Variants in PSMA7 observed in about 807,000 individuals in gnomAD.
PSMA7 encodes proteasome subunit alpha type-7.
PSMA7 carries 5 observed loss-of-function variants against 31.3 expected under a neutral mutation model. The observed-to-expected ratio is 0.16, with a 90% CI of 0.08 to 0.34. The LOEUF (loss-of-function observed/expected upper bound fraction) is 0.34. PSMA7 is among the 10% of genes least tolerant of loss of function. The pLI is 1.00. For missense variants in PSMA7, 217 were observed against 327.5 expected (o/e 0.66, Z 2.60); for synonymous variants, 155 against 121.9 (o/e 1.27, Z -1.79).
chr20:62,138,809 C>T lies in PSMA7; in HGVS notation c.471+266G>A, dbSNP rs576744358. Reference sequence around the variant, plus strand: ...CTGACCTCAGGTGATCCAACTGCCTCGGCCTCCCAAAGTGCTGGGATTACA... The same window carrying T: ...CTGACCTCAGGTGATCCAACTGCCTTGGCCTCCCAAAGTGCTGGGATTACA... On this transcript the variant is annotated intron_variant, in intron 4 of 6. Transcript: ENST00000370873. 1.8e-4 allele frequency among the ~76,000 whole-genome samples: 28 copies of T among 152,138 alleles called. 1 individual carries two copies. Among genetic ancestry groups the T allele is most frequent in the Admixed American group, 3.3e-4 (5 of 15,280 alleles).
intron 4 of PSMA7, 35 bp from the exon 5 acceptor site, chr20:62,138,325 G>A (rs775421692): frequency 1.9e-6 from 3 of 1,562,364 alleles, no homozygotes; most frequent in Admixed American, 3.6e-5. Context: ...CGTGGCATAG[G>A]GCATGACAAC....
rs751930422 is a variant in PSMA7 at position 62,140,849 on chromosome 20, A to C, written c.192T>G (p.Ala64=). The C allele has an allele frequency of 1.2e-6, 2 of 1,614,226 alleles. No homozygotes were observed. The highest frequency in any genetic ancestry group is 2.2e-5 in the South Asian group (2 of 91,086). The change falls in exon 2 of 7, where the codon GCT becomes GCG. Residue 64 remains alanine (A), a synonymous_variant. Transcript: ENST00000370873. ...QDERTVRKIC[A]LDDNVCMAFA... ...AGGCCATGCAGACGTTGTCATCCAA[A>C]GCACAGATCTTCCGCACTGTTCTTT...
intron 1 of PSMA7, 154 bp downstream of exon 1, chr20:62,143,054 G>C (rs2056948217): frequency 4.5e-6 from 1 of 221,904 alleles, no homozygotes; most frequent in Non-Finnish European, 7.5e-6. Flanking sequence ...CCGGCAGCGG[G>C]GCCCGCGCTC....
Position 62,139,827 on chromosome 20 carries a change from G to C in PSMA7, c.302C>G (p.Pro101Arg). 6.2e-7 allele frequency: 1 copy of C among 1,614,048 alleles called. No homozygotes were observed. Among genetic ancestry groups the C allele is most frequent in the Non-Finnish European group, 8.5e-7 (1 of 1,180,026 alleles). Residue 101 changes from proline (P) to arginine (R), a missense_variant, in exon 3 of 7, where the codon CCG (proline) becomes CGG (arginine). Coordinates refer to ENST00000370873, the MANE Select transcript of PSMA7 (RefSeq NM_002792.4). ...GCGGGTGATGTACTCCACAGTGACC[G>C]GGTCCTCCACAGTCAGCCGGTGGCT... ...CQSHRLTVEDPVTVEYITRYI... is the reference protein window; with the variant it reads ...CQSHRLTVEDRVTVEYITRYI...
intron 2 of PSMA7, among the ~76,000 whole-genome samples, 184 bp from the exon 3 acceptor site, chr20:62,140,089 T>G (rs892735903): frequency 1.3e-5 from 2 of 152,172 alleles, no homozygotes; most frequent in East Asian, 1.9e-4. Context: ...TACAGATGCT[T>G]CTTGATGTGC....
In PSMA7 at chr20:62,136,780, A is replaced by C; in HGVS notation, c.*77T>G. On this transcript the variant is annotated 3_prime_UTR_variant, in exon 7 of 7. Transcript: ENST00000370873. ...TAGGACACTCAGTGTGAATAAATGG[A>C]ATGGAAAGGCCTACACATCGAGACT... 3 of 1,518,210 alleles carry C rather than the reference A, an allele frequency of 2.0e-6. No individual in the cohort carries two copies. The highest frequency in any genetic ancestry group is 2.6e-6 in the Non-Finnish European group (3 of 1,137,966). The allele number at this position is 1,518,210 out of a possible 1,614,324, so 94.0% of individuals were successfully genotyped here.
At chr20:62,139,633 A>T in intron 3 of PSMA7, 148 bp downstream of exon 3, 1 of 1,339,088 alleles carries the variant, frequency 7.5e-7, no homozygotes, top group Non-Finnish European at 1.1e-6. Flanking sequence ...AGCTAGGTCA[A>T]GTTACACTTG....
chr20:62,141,181 C>T (rs961519695), intron 1 of PSMA7, among the ~76,000 whole-genome samples: 7 of 152,152 alleles, frequency 4.6e-5, no homozygotes, highest in African/African-American at 1.7e-4. Flanking sequence ...GTGGGAGGAT[C>T]GCTAGAGCCT....
At chr20:62,138,799 C>T (rs928770342) in intron 4 of PSMA7, among the ~76,000 whole-genome samples, 12 of 152,132 alleles carry the variant, frequency 7.9e-5, no homozygotes, top group Non-Finnish European at 8.8e-5. Flanking sequence ...CTCAGGTGAT[C>T]CAACTGCCTC....
chr20:62,139,846 G>A lies in PSMA7; in HGVS notation c.283C>T (p.Arg95Trp), dbSNP rs779149773. The A allele has an allele frequency of 2.5e-6, 4 of 1,614,086 alleles. No individual in the cohort carries two copies. The highest frequency in any genetic ancestry group is 1.1e-5 in the South Asian group (1 of 91,088). The change falls in exon 3 of 7, where the codon CGG becomes TGG. Residue 95 changes from arginine to tryptophan, a missense_variant. Physicochemically the swap from Arg to Trp is moderately radical, Grantham distance 101. Transcript: ENST00000370873. The part of the protein sequence containing the change: ...NRARVECQSH[R>W]LTVEDPVTVE... ...GTGACCGGGTCCTCCACAGTCAGCC[G>A]GTGGCTCTGGCACTCCACCCGGGCC...
Position 62,140,724 on chromosome 20 carries a change from G to A in PSMA7, c.223+94C>T, listed in dbSNP as rs573909493. ...GATTTTCATTTACTCAGTTTATATG[G>A]CTCACAATAGCCCACACACCCAAGT... On this transcript the variant is annotated intron_variant, in intron 2 of 6. Transcript: ENST00000370873. 147 of 1,444,412 alleles carry A rather than the reference G, an allele frequency of 1.0e-4. 3 individuals are homozygous for A. The South Asian group carries it at 1.8e-3, about 18-fold the overall frequency. The allele number at this position is 1,444,412 out of a possible 1,614,324, so 89.5% of individuals were successfully genotyped here.
At chr20:62,138,550 ATTTTTTT>A (rs59188263) in intron 4 of PSMA7, among the ~76,000 whole-genome samples, 5 of 126,374 alleles carry the variant, frequency 4.0e-5, no homozygotes. Context: ...GCAATGGGAG[ATTTTTTT>A]TTTTTTTTTT....
rs563926611 is a variant in PSMA7 at position 62,139,587 on chromosome 20, G to A, written c.348+194C>T. The A allele has an allele frequency of 1.2e-4, 110 of 901,670 alleles. 2 individuals are homozygous for A. In the Middle Eastern group the frequency reaches 1.8e-3, roughly 14 times the overall value. 55.9% of individuals were successfully genotyped at this position (901,670 alleles called of 1,614,324 possible). A position where few individuals can be genotyped will look rare whatever the true frequency, so the allele number is the denominator to read the frequency against. On this transcript the variant is annotated intron_variant, in intron 3 of 6. Coordinates refer to ENST00000370873, the MANE Select transcript of PSMA7 (RefSeq NM_002792.4). ...CAGGAATTTGGAATATCCCATGCCA[G>A]GAACTGAGAACAGAACAATGTTACT...
At position 62,137,138 on chromosome 20, in the gene PSMA7, G is replaced by T. The variant is rs536132969; in HGVS notation, c.655-189C>A. ...TTAAGCAGCAGTAGCAGCAGCAGCA[G>T]ATCTGACTGGCAGCCGCTCAGCATG... On this transcript the variant is annotated intron_variant, in intron 6 of 6. Coordinates refer to ENST00000370873, the MANE Select transcript of PSMA7 (RefSeq NM_002792.4). Among the ~76,000 whole-genome samples, 3 of 152,224 alleles carry T rather than the reference G, an allele frequency of 2.0e-5. No individual in the cohort carries two copies. In the East Asian group the frequency reaches 5.8e-4, roughly 29 times the overall value.
At position 62,143,290 on chromosome 20, in the gene PSMA7, C is replaced by T; in HGVS notation, c.14G>A (p.Arg5His). The change falls in exon 1 of 7, where the codon CGC becomes CAC. Residue 5 changes from arginine to histidine, a missense_variant. Physicochemically the swap from Arg to His is conservative, Grantham distance 29. Around this residue, in one of 3 missense-constraint regions of PSMA7, gnomAD observed 76 missense variants for 96.5 expected, o/e 0.79. Transcript: ENST00000370873. ...GTCGGGCGAGAAGACGGTGATGGCGCGGTCGTAGCTCATGCCGGCGGGCGG... is the reference window on the plus strand; with the variant it reads ...GTCGGGCGAGAAGACGGTGATGGCGTGGTCGTAGCTCATGCCGGCGGGCGG... MSYDRAITVFSPDGH... is the reference protein window; with the variant it reads MSYDHAITVFSPDGH... 6.8e-7 allele frequency: 1 copy of T among 1,468,180 alleles called. No individual in the cohort carries two copies. The highest frequency in any genetic ancestry group is 9.1e-7 in the Non-Finnish European group (1 of 1,100,986). The allele number at this position is 1,468,180 out of a possible 1,614,324, so 90.9% of individuals were successfully genotyped here.
At chr20:62,140,736 C>G (rs1236431581) in intron 2 of PSMA7, 82 bp downstream of exon 2, 1 of 1,516,852 alleles carries the variant, frequency 6.6e-7, no homozygotes, top group Non-Finnish European at 9.0e-7. Context: ...TCACAATAGC[C>G]CACACACCCA....
In PSMA7 at chr20:62,139,133, A is replaced by G; in HGVS notation, c.413T>C (p.Phe138Ser). Residue 138 changes from phenylalanine (F) to serine (S), a missense_variant, in exon 4 of 7, where the codon TTT (phenylalanine) becomes TCT (serine). By Grantham distance (155) the Phe-to-Ser change is radical. This residue lies in a region of PSMA7 where 53 missense variants were observed against 119.4 expected (regional missense o/e 0.44). Transcript: ENST00000370873. ...CTGATAGAGCCTAGGAGTGCCATCA[A>G]AGTCGAAACCCACGATGAGGGCAGA... ...GISALIVGFD[F>S]DGTPRLYQTD... 1 of 1,614,218 alleles carries G rather than the reference A, an allele frequency of 6.2e-7. No individual in the cohort carries two copies. The highest frequency in any genetic ancestry group is 8.5e-7 in the Non-Finnish European group (1 of 1,180,038).
chr20:62,143,359 C>A lies in PSMA7; in HGVS notation c.-56G>T, dbSNP rs2056953855. On this transcript the variant is annotated 5_prime_UTR_variant, in exon 1 of 7. Coordinates refer to ENST00000370873, the MANE Select transcript of PSMA7 (RefSeq NM_002792.4). ...CGCGACTCTCAAAAGCGCACACTCA[C>A]GGCCCGCGCGCACCCGCGACTCCCG... 1 of 1,092,796 alleles carries A rather than the reference C, an allele frequency of 9.2e-7. No individual in the cohort carries two copies. Among genetic ancestry groups the A allele is most frequent in the Non-Finnish European group, 1.2e-6 (1 of 853,138 alleles). 67.7% of individuals were successfully genotyped at this position (1,092,796 alleles called of 1,614,324 possible).
chr20:62,141,051 CTTAAA>C (rs1286401504), intron 1 of PSMA7, 107 bp from the exon 2 acceptor site: 2 of 1,403,328 alleles, frequency 1.4e-6, no homozygotes, highest in Non-Finnish European at 2.0e-6. Flanking sequence ...GGGTGGATGA[CTTAAA>C]TTCAAGAGTT....
Sources: allele counts gnomAD v4.1 joint callset (sites outside exome capture counted in the v4.1 genomes callset), GRCh38; gene constraint gnomAD v4.1.1; regional missense constraint gnomAD v4.1.1; transcripts MANE v1.5; gene names NCBI Gene and HGNC (gene_info 2026-07-23, HGNC 2026-07-21).